SGF29: variants seen among roughly 807,000 people sequenced by gnomAD.
SGF29 encodes the protein SAGA-associated factor 29.
A neutral mutation model predicts 38.1 loss-of-function variants in SGF29; 15 were observed. That is an observed-to-expected ratio of 0.39 (90% CI 0.26 to 0.61). The LOEUF is 0.61. Ranked by LOEUF, SGF29 falls within the 20% of genes least tolerant of loss-of-function variation. The pLI is 0.49. For synonymous variants in SGF29, 151 were observed against 160.8 expected, an observed-to-expected ratio of 0.94 and a Z score of 0.46; for missense variants, 184 against 394.6, an observed-to-expected ratio of 0.47 and a Z score of 4.52.
At chr16:28,589,944 C>A in intron 5 of SGF29, 152 bp from the exon 6 acceptor site, 3 of 1,111,900 alleles carry the variant, frequency 2.7e-6, no homozygotes, top group Non-Finnish European at 3.8e-6. Context: ...GGTGCTGACA[C>A]ATGGCCGATG....
chr16:28,590,136 C>T lies in SGF29; in HGVS notation c.330C>T (p.Pro110=). Residue 110 remains proline, a synonymous_variant, in exon 6 of 10, where the codon CCC becomes CCT. Transcript: ENST00000317058. The surrounding 1 kb of genome is among the most constrained non-coding windows in gnomAD (Gnocchi z 8.2). ...IAGLYNDSEP[P]RKTMRRGVLM... ...GTCTCTACAATGACTCGGAGCCACCCCGGAAGACCATGCGCAGAGGGGTGC... is the reference window on the plus strand; with the variant it reads ...GTCTCTACAATGACTCGGAGCCACCTCGGAAGACCATGCGCAGAGGGGTGC... 6.2e-7 allele frequency: 1 copy of T among 1,611,934 alleles called. No individual in the cohort carries two copies. The highest frequency in any genetic ancestry group is 1.3e-5 in the African/African-American group (1 of 75,052).
intron 1 of SGF29, among the ~76,000 whole-genome samples, chr16:28,577,467 AAC>A (rs1341762126): frequency 6.6e-6 from 1 of 152,208 alleles, no homozygotes; most frequent in African/African-American, 2.4e-5. Context: ...CGTAAATGGA[AAC>A]ACAATTATGT....
chr16:28,564,081 C>G (rs372143074), intron 1 of SGF29, among the ~76,000 whole-genome samples: 2 of 152,028 alleles, frequency 1.3e-5, no homozygotes, highest in African/African-American at 4.8e-5. Flanking sequence ...CCACATGAGA[C>G]AGTGAGACAG....
At position 28,585,700 on chromosome 16, in the gene SGF29, C is replaced by T. The variant is rs148185687; in HGVS notation, c.204C>T (p.Ala68=). The change falls in exon 4 of 10, where the codon GCC becomes GCT. Residue 68 remains alanine (A), a synonymous_variant. Transcript: ENST00000317058. The stretch of plus-strand genomic sequence containing the variant: ...GTGGCCTCTACACAACCGCCAAGGC[C>T]GATGCAGAGGCTGAGTGCAAGTGAG... The part of the protein sequence containing the change: ...KLRGLYTTAK[A]DAEAECNILR... The T allele has an allele frequency of 1.6e-5, 26 of 1,614,092 alleles. No homozygotes were observed. Among genetic ancestry groups the T allele is most frequent in the Middle Eastern group, 1.6e-4 (1 of 6,084 alleles).
intron 5 of SGF29, 87 bp downstream of exon 5, chr16:28,589,251 T>A: frequency 2.2e-6 from 3 of 1,349,262 alleles, no homozygotes; most frequent in Non-Finnish European, 3.2e-6. Context: ...TGTGGGGGCC[T>A]GTGGCCACCA....
chr16:28,555,444 C>G (rs2046744157), intron 1 of SGF29, among the ~76,000 whole-genome samples: 1 of 152,212 alleles, frequency 6.6e-6, no homozygotes. Flanking sequence ...CCACTGCACT[C>G]TAGCCTGGGT....
intron 2 of SGF29, among the ~76,000 whole-genome samples, chr16:28,583,389 C>G (rs573053150): frequency 9.9e-5 from 15 of 152,184 alleles, no homozygotes; most frequent in Non-Finnish European, 1.9e-4. Flanking sequence ...AGTATCCCCC[C>G]CCAACCCCAA....
At chr16:28,583,358 G>A (rs978199134) in intron 2 of SGF29, among the ~76,000 whole-genome samples, 5 of 152,266 alleles carry the variant, frequency 3.3e-5, no homozygotes, top group East Asian at 1.9e-4. Flanking sequence ...AGATTGCAGC[G>A]GCAGCAGTAC....
intron 4 of SGF29, 39 bp downstream of exon 4, chr16:28,585,759 T>C: frequency 6.3e-7 from 1 of 1,582,492 alleles, no homozygotes; most frequent in Non-Finnish European, 8.7e-7. Flanking sequence ...GCTCCCTCCT[T>C]TCCTGGGGGC....
At chr16:28,564,635 GTATA>G (rs1491120937) in intron 1 of SGF29, among the ~76,000 whole-genome samples, 1 of 90,026 alleles carries the variant, frequency 1.1e-5, no homozygotes, top group Admixed American at 1.3e-4. Context: ...ATATATATAC[GTATA>G]TATGTGTATA....
chr16:28,567,547 A>G (rs1379907470), intron 1 of SGF29, among the ~76,000 whole-genome samples: 1 of 152,236 alleles, frequency 6.6e-6, no homozygotes, highest in Non-Finnish European at 1.5e-5. Flanking sequence ...GCAGCTTTGG[A>G]ACTGGGTAGT....
chr16:28,583,471 G>A (rs1037422963), intron 2 of SGF29, among the ~76,000 whole-genome samples: 4 of 152,198 alleles, frequency 2.6e-5, no homozygotes, highest in Admixed American at 2.6e-4. Flanking sequence ...TAGGCAGCTA[G>A]CTAGCTGTGT....
Position 28,584,895 on chromosome 16 carries a change from C to G in SGF29, c.76-18C>G. ...CACAAAGGGCCACCGTCATGTCCTGCTGCTCTTTTCCTTACAGGAAGAGCG... is the reference window on the plus strand; with the variant it reads ...CACAAAGGGCCACCGTCATGTCCTGGTGCTCTTTTCCTTACAGGAAGAGCG... On this transcript the variant is annotated intron_variant, in intron 2 of 9. Transcript: ENST00000317058. The G allele has an allele frequency of 6.2e-7, 1 of 1,608,436 alleles. No homozygotes were observed. Among genetic ancestry groups the G allele is most frequent in the Non-Finnish European group, 8.5e-7 (1 of 1,175,676 alleles).
At position 28,591,606 on chromosome 16, in the gene SGF29, C is replaced by T. The variant is rs760551737; in HGVS notation, c.782C>T (p.Ser261Leu). The change falls in exon 10 of 10, where the codon TCG (serine) becomes TTG (leucine). Residue 261 changes from serine (S) to leucine (L), a missense_variant. Coordinates refer to ENST00000317058, the MANE Select transcript of SGF29 (RefSeq NM_138414.3). ...APPQRPQDDY[S>L]VLFEDTSYAD... ...GCCCCACAGCCCCAGGATGACTACT[C>T]GGTCCTGTTTGAAGACACCTCCTAT... is the stretch of plus-strand genomic sequence containing the variant. The T allele has an allele frequency of 9.9e-6, 16 of 1,613,520 alleles. No individual in the cohort carries two copies. The highest frequency in any genetic ancestry group is 4.4e-5 in the South Asian group (4 of 91,062).
chr16:28,588,142 G>A (rs951886786), intron 4 of SGF29, among the ~76,000 whole-genome samples: 4 of 152,080 alleles, frequency 2.6e-5, no homozygotes, highest in African/African-American at 9.7e-5. Flanking sequence ...TGAGCTTTAG[G>A]ATGAAGGAGC....
intron 4 of SGF29, among the ~76,000 whole-genome samples, chr16:28,586,761 T>C (rs1409899102): frequency 2.0e-5 from 3 of 152,210 alleles, no homozygotes; most frequent in Admixed American, 1.3e-4. Context: ...TGGTGGGTCA[T>C]ATTAGACGGC....
intron 2 of SGF29, among the ~76,000 whole-genome samples, chr16:28,582,052 G>T (rs2046929169): frequency 6.6e-6 from 1 of 152,158 alleles, no homozygotes; most frequent in African/African-American, 2.4e-5. Context: ...CGATACTCAG[G>T]GTTTATAGCT....
At chr16:28,571,183 C>G (rs2046862547) in intron 1 of SGF29, among the ~76,000 whole-genome samples, 1 of 152,046 alleles carries the variant, frequency 6.6e-6, no homozygotes, top group African/African-American at 2.4e-5. Context: ...CTTGTGTTGC[C>G]CCTTCTGCCA....
chr16:28,569,508 C>T (rs56396270), intron 1 of SGF29, among the ~76,000 whole-genome samples: 47,583 of 151,856 alleles, frequency 0.31, 8,249 homozygotes, highest in Non-Finnish European at 0.37. Context: ...AAAAATTAGC[C>T]GGGCATGGTG....
Sources: gnomAD v4.1 joint callset for allele counts (sites outside exome capture counted in the v4.1 genomes callset) on GRCh38, gnomAD v4.1.1 for gene constraint, Gnocchi (gnomAD v3.1) non-coding constraint, MANE v1.5 for transcripts, NCBI Gene and HGNC (gene_info 2026-07-23, HGNC 2026-07-21) for gene names.